Variants in CORO2B observed in about 807,000 individuals in gnomAD.
CORO2B encodes the protein coronin 2B.
CORO2B carries 26 observed loss-of-function variants against 58.8 expected under a neutral mutation model. The observed-to-expected ratio is 0.44, with a 90% confidence interval of 0.32 to 0.61. The LOEUF (loss-of-function observed/expected upper bound fraction) is 0.61, where lower values mean the gene tolerates loss of function less well. Ranked by LOEUF, CORO2B falls within the 20% of genes least tolerant of loss-of-function variation. The probability of loss-of-function intolerance (pLI) is 0.04; values close to 1 mark genes in which losing one functional copy is unlikely to be tolerated. For synonymous variants in CORO2B, 242 were observed against 253.8 expected (o/e 0.95, Z 0.44); for missense variants, 460 against 645.1 (o/e 0.71, Z 3.11).
At chr15:68,675,982 A>G (rs539242050) in intron 2 of CORO2B, among the ~76,000 whole-genome samples, 1 of 148,412 alleles carries the variant, frequency 6.7e-6, no homozygotes. Flanking sequence ...AATAGAATAT[A>G]GAATAGAATA....
chr15:68,563,505 GAAAAGA>G, the CORO2B span, among the ~76,000 whole-genome samples: 1 of 146,874 alleles, frequency 6.8e-6, no homozygotes, highest in Non-Finnish European at 1.5e-5. Context: ...AAAAAGAAAA[GAAAAGA>G]AAAAGAAAAA....
chr15:68,727,123 G>C lies in CORO2B; in HGVS notation c.*1149G>C, dbSNP rs530971900. On this transcript the variant is annotated 3_prime_UTR_variant, in exon 12 of 12. Coordinates refer to ENST00000261861, the MANE Select transcript of CORO2B (RefSeq NM_006091.5). Reference sequence around the variant, plus strand: ...CTGATGGCTTCTAGGGATGCTCTGCGTGTGTCTCAGCACCGCTATCTCAGC... The same window carrying C: ...CTGATGGCTTCTAGGGATGCTCTGCCTGTGTCTCAGCACCGCTATCTCAGC... The C allele has an allele frequency of 6.6e-6, 1 of 152,650 alleles. No homozygotes were observed. The highest frequency in any genetic ancestry group is 1.9e-4 in the East Asian group (1 of 5,184). The allele number at this position is 152,650 out of a possible 1,614,324, so 9.5% of individuals were successfully genotyped here.
In CORO2B at chr15:68,681,168, G is replaced by A. The variant is rs545385186; in HGVS notation, c.217-13972G>A. Among the ~76,000 whole-genome samples, 22 of 152,236 alleles carry A rather than the reference G, an allele frequency of 1.4e-4. No individual in the cohort carries two copies. In the South Asian group the frequency reaches 3.3e-3, roughly 23 times the overall value. Reference sequence around the variant, plus strand: ...GAGGAGGTTGCAGTGAGCTGAGATCGTGCCATTGCACTCTAGCCTGGGCGA... The same window carrying A: ...GAGGAGGTTGCAGTGAGCTGAGATCATGCCATTGCACTCTAGCCTGGGCGA... On this transcript the variant is annotated intron_variant, in intron 2 of 11. Coordinates refer to ENST00000261861, the MANE Select transcript of CORO2B (RefSeq NM_006091.5).
At chr15:68,583,451 G>A (rs888769513) in intron 1 of CORO2B, among the ~76,000 whole-genome samples, 4 of 152,154 alleles carry the variant, frequency 2.6e-5, no homozygotes, top group African/African-American at 9.7e-5. Flanking sequence ...CCTGGCAAGG[G>A]GTCCTGGGGC....
chr15:68,597,428 C>T (rs1236663461), intron 1 of CORO2B, among the ~76,000 whole-genome samples: 1 of 152,154 alleles, frequency 6.6e-6, no homozygotes, highest in Non-Finnish European at 1.5e-5. Context: ...ATGGCTTCTA[C>T]TGTTATGCCC....
chr15:68,529,949 G>C, the CORO2B span, among the ~76,000 whole-genome samples: 1 of 152,152 alleles, frequency 6.6e-6, no homozygotes, highest in Non-Finnish European at 1.5e-5. Context: ...ATACATTCTA[G>C]GATTTTTGAT....
At chr15:68,694,643 A>G (rs1490719631) in intron 2 of CORO2B, among the ~76,000 whole-genome samples, 2 of 152,172 alleles carry the variant, frequency 1.3e-5, no homozygotes, top group Non-Finnish European at 2.9e-5. Flanking sequence ...AGCAGCAGGA[A>G]AGAGCCTCCT....
intron 1 of CORO2B, among the ~76,000 whole-genome samples, chr15:68,640,649 G>A (rs1026120865): frequency 2.6e-5 from 4 of 152,162 alleles, no homozygotes; most frequent in African/African-American, 4.8e-5. Context: ...GCATTGGGGG[G>A]AAATTTAAAC....
chr15:68,569,669 T>G, the CORO2B span, among the ~76,000 whole-genome samples: 1 of 152,244 alleles, frequency 6.6e-6, no homozygotes, highest in Admixed American at 6.5e-5. Flanking sequence ...GAACGATTGC[T>G]GGATCATATG....
intron 1 of CORO2B, among the ~76,000 whole-genome samples, chr15:68,598,700 C>G (rs950502440): frequency 6.6e-6 from 1 of 152,360 alleles, no homozygotes; most frequent in Admixed American, 6.5e-5. Flanking sequence ...AAACCTAGCT[C>G]TCCTCTGTGC....
At chr15:68,534,844 C>T in the CORO2B span, among the ~76,000 whole-genome samples, 44 of 152,226 alleles carry the variant, frequency 2.9e-4, no homozygotes, top group Admixed American at 1.8e-3. Context: ...ACAATCGTGG[C>T]GGAAGGCGAA....
the CORO2B span, among the ~76,000 whole-genome samples, chr15:68,569,148 C>T: frequency 3.9e-5 from 6 of 152,168 alleles, no homozygotes; most frequent in Non-Finnish European, 7.3e-5. Context: ...GTCATTATCA[C>T]CCAGAGTCCA....
chr15:68,691,641 A>G (rs1390570239), intron 2 of CORO2B, among the ~76,000 whole-genome samples: 27 of 149,436 alleles, frequency 1.8e-4, no homozygotes, highest in Admixed American at 6.7e-4. Flanking sequence ...AAAAAAAAAA[A>G]AAAAAGAAAA....
In CORO2B at chr15:68,718,549, C is replaced by T. The variant is rs1567019882; in HGVS notation, c.968-149C>T. 3.1e-5 allele frequency: 20 copies of T among 651,338 alleles called. 1 individual carries two copies. In the South Asian group the frequency reaches 3.7e-4, roughly 12 times the overall value. 40.3% of individuals were successfully genotyped at this position (651,338 alleles called of 1,614,324 possible). On this transcript the variant is annotated intron_variant, in intron 8 of 11. Coordinates refer to ENST00000261861, the MANE Select transcript of CORO2B (RefSeq NM_006091.5). ...AGAGACAGAGACTGATTGAAGGCGCCCCGGTCTACCCCCTGCCCTCTGCAT... is the reference window on the plus strand; with the variant it reads ...AGAGACAGAGACTGATTGAAGGCGCTCCGGTCTACCCCCTGCCCTCTGCAT...
chr15:68,690,829 AT>A (rs1283939888), intron 2 of CORO2B, among the ~76,000 whole-genome samples: 1 of 150,692 alleles, frequency 6.6e-6, no homozygotes, highest in African/African-American at 2.4e-5. Context: ...TTTTTGGTAT[AT>A]TTTTTGTAAA....
chr15:68,527,793 CT>C, the CORO2B span, among the ~76,000 whole-genome samples: 1 of 152,122 alleles, frequency 6.6e-6, no homozygotes, highest in Non-Finnish European at 1.5e-5. Context: ...TTATTTAGTT[CT>C]TTTAAAATTT....
At chr15:68,560,198 T>C in the CORO2B span, among the ~76,000 whole-genome samples, 1 of 152,374 alleles carries the variant, frequency 6.6e-6, no homozygotes, top group East Asian at 1.9e-4. Context: ...CTAACTGTGC[T>C]CCCTACAGCT....
At chr15:68,633,713 TCA>T (rs113673368) in intron 1 of CORO2B, among the ~76,000 whole-genome samples, 2,451 of 152,310 alleles carry the variant, frequency 0.016, 65 homozygotes, top group African/African-American at 0.055. Context: ...TTCTCCTTTC[TCA>T]CATTTGGGGC....
chr15:68,589,974 C>T (rs999506107), intron 1 of CORO2B, among the ~76,000 whole-genome samples: 8 of 152,196 alleles, frequency 5.3e-5, no homozygotes, highest in East Asian at 1.9e-4. Context: ...CCGTGACCCC[C>T]GGCTCTCCCT....
Sources: allele counts gnomAD v4.1 joint callset (sites outside exome capture counted in the v4.1 genomes callset), GRCh38; gene constraint gnomAD v4.1.1; transcripts MANE v1.5; gene names NCBI Gene and HGNC (gene_info 2026-07-23, HGNC 2026-07-21).